Variants in AGAP1 observed in about 807,000 individuals in gnomAD.
AGAP1 encodes the protein ArfGAP with GTPase domain, ankyrin repeat and PH domain 1, also known as arf-GAP with GTPase, ANK repeat and PH domain-containing protein 1.
Under a neutral mutation model 105.3 loss-of-function variants are expected in AGAP1, and 29 were observed. The ratio of observed to expected loss-of-function variants is 0.28; its 90% CI spans 0.21 to 0.38. The LOEUF is 0.38. Ranked by LOEUF, AGAP1 falls within the 10% of genes least tolerant of loss-of-function variation. The pLI is 1.00. For synonymous variants in AGAP1, 509 were observed against 485.9 expected (o/e 1.05, Z -0.63); for missense variants, 998 against 1,165.1 (o/e 0.86, Z 2.09).
rs758901266 is a variant in AGAP1 at position 235,962,423 on chromosome 2, G to A, written c.1484-6039G>A. ...TTTCAAGTCGTGTGCGATGCTGCCC[G>A]GCTGTATAAGAAAAACCGTGGGATG... On this transcript the variant is annotated intron_variant, in intron 12 of 17. Coordinates refer to ENST00000304032, the MANE Select transcript of AGAP1 (RefSeq NM_001037131.3). The surrounding 1 kb of genome is among the most constrained non-coding windows in gnomAD (Gnocchi z 5.3). 2.6e-5 allele frequency among the ~76,000 whole-genome samples: 4 copies of A among 152,182 alleles called. No individual in the cohort carries two copies. Among genetic ancestry groups the A allele is most frequent in the East Asian group, 1.9e-4 (1 of 5,148 alleles).
At chr2:235,671,526 A>G (rs1051472285) in intron 1 of AGAP1, among the ~76,000 whole-genome samples, 4 of 152,068 alleles carry the variant, frequency 2.6e-5, no homozygotes, top group Non-Finnish European at 5.9e-5. Context: ...TGTTAGTGCT[A>G]CCATCTGTCA....
At position 235,716,721 on chromosome 2, in the gene AGAP1, A is replaced by G. The variant is rs1273983273; in HGVS notation, c.223-836A>G. Reference sequence around the variant, plus strand: ...GCGGCATGGGGGGTATCCAGCTCCCAAGCACAGGGAAAGGGAGGCTCCCTG... The same window carrying G: ...GCGGCATGGGGGGTATCCAGCTCCCGAGCACAGGGAAAGGGAGGCTCCCTG... On this transcript the variant is annotated intron_variant, in intron 2 of 17. Transcript: ENST00000304032. This position sits in a 1 kb window ranked among gnomAD's most constrained non-coding sequence, Gnocchi z 4.0. Among the ~76,000 whole-genome samples the G allele has an allele frequency of 6.6e-6, 1 of 152,102 alleles. No homozygotes were observed. The highest frequency in any genetic ancestry group is 1.9e-4 in the East Asian group (1 of 5,176).
Position 235,614,234 on chromosome 2 carries a change from A to G in AGAP1, c.164-94945A>G, listed in dbSNP as rs1207638449. Among the ~76,000 whole-genome samples the G allele has an allele frequency of 6.6e-6, 1 of 152,142 alleles. No individual in the cohort carries two copies. The highest frequency in any genetic ancestry group is 1.5e-5 in the Non-Finnish European group (1 of 68,026). On this transcript the variant is annotated intron_variant, in intron 1 of 17. Coordinates refer to ENST00000304032, the MANE Select transcript of AGAP1 (RefSeq NM_001037131.3). This position sits in a 1 kb window ranked among gnomAD's most constrained non-coding sequence, Gnocchi z 4.7. ...TGACATTGGCCAGAGTCACCCCATAATCATACAGTTAGCAGTGTGGCCAGC... is the reference window on the plus strand; with the variant it reads ...TGACATTGGCCAGAGTCACCCCATAGTCATACAGTTAGCAGTGTGGCCAGC...
intron 9 of AGAP1, among the ~76,000 whole-genome samples, chr2:235,834,382 C>A (rs1959861567): frequency 6.6e-6 from 1 of 152,190 alleles, no homozygotes; most frequent in South Asian, 2.1e-4. Flanking sequence ...TCTGTCCTTT[C>A]AAAGGGTGTA....
rs1375716825 is a variant in AGAP1 at position 236,010,127 on chromosome 2, AAAC to A, written c.1646-26431_1646-26429del. On this transcript the variant is annotated intron_variant, in intron 13 of 17. Coordinates refer to ENST00000304032, the MANE Select transcript of AGAP1 (RefSeq NM_001037131.3). ...TCACATGTGTTAGTAAAAAAAAAAAAAACAAAAAACTTTTAGAGAAACAAATTA... is the reference window on the plus strand; with the variant it reads ...TCACATGTGTTAGTAAAAAAAAAAAAAAAAAACTTTTAGAGAAACAAATTA... 2.7e-5 allele frequency among the ~76,000 whole-genome samples: 4 copies of A among 150,070 alleles called. No individual in the cohort carries two copies. In the East Asian group the frequency reaches 5.8e-4, roughly 22 times the overall value.
chr2:236,028,679 C>A (rs935386538), intron 13 of AGAP1, among the ~76,000 whole-genome samples: 1 of 152,130 alleles, frequency 6.6e-6, no homozygotes, highest in African/African-American at 2.4e-5. Flanking sequence ...ATCTTCCTTT[C>A]CAATCTCTCG....
rs1399650638 is a variant in AGAP1 at position 235,983,112 on chromosome 2, A to G, written c.1645+14489A>G. On this transcript the variant is annotated intron_variant, in intron 13 of 17. Transcript: ENST00000304032. This position sits in a 1 kb window ranked among gnomAD's most constrained non-coding sequence, Gnocchi z 4.5. The stretch of plus-strand genomic sequence containing the variant: ...GCTGCAGGGCCATTTGCTGAGCAGG[A>G]AGCTGGCCTCAGGGGTCTCCCAGGA... Among the ~76,000 whole-genome samples, 1 of 152,120 alleles carries G rather than the reference A, an allele frequency of 6.6e-6. No homozygotes were observed. Among genetic ancestry groups the G allele is most frequent in the Non-Finnish European group, 1.5e-5 (1 of 68,012 alleles).
At chr2:235,966,227 C>G (rs1395799682) in intron 12 of AGAP1, among the ~76,000 whole-genome samples, 3 of 126,306 alleles carry the variant, frequency 2.4e-5, no homozygotes, top group Admixed American at 8.9e-5. Flanking sequence ...GCCCATTTCT[C>G]TAGGGATGGA....
chr2:235,655,980 C>T lies in AGAP1; in HGVS notation c.164-53199C>T, dbSNP rs1947758623. 6.6e-6 allele frequency among the ~76,000 whole-genome samples: 1 copy of T among 152,174 alleles called. No individual in the cohort carries two copies. Among genetic ancestry groups the T allele is most frequent in the South Asian group, 2.1e-4 (1 of 4,828 alleles). On this transcript the variant is annotated intron_variant, in intron 1 of 17. Coordinates refer to ENST00000304032, the MANE Select transcript of AGAP1 (RefSeq NM_001037131.3). The surrounding 1 kb of genome is among the most constrained non-coding windows in gnomAD (Gnocchi z 4.3). ...TACTTCCAATAAGTAACTAGCAGGG[C>T]TGTACACACTCTACCAGGAAAGACA...
At chr2:235,849,757 C>T (rs898802043) in intron 9 of AGAP1, among the ~76,000 whole-genome samples, 1 of 152,230 alleles carries the variant, frequency 6.6e-6, no homozygotes, top group Non-Finnish European at 1.5e-5. Flanking sequence ...CCTCACTTCT[C>T]CAGGACAGAT....
chr2:235,697,827 T>C (rs1227979769), intron 1 of AGAP1, among the ~76,000 whole-genome samples: 3 of 152,288 alleles, frequency 2.0e-5, no homozygotes, highest in South Asian at 4.2e-4. Flanking sequence ...TGACAGAAAC[T>C]CAGCATATGA....
chr2:235,686,869 G>A (rs1477126057), intron 1 of AGAP1, among the ~76,000 whole-genome samples: 1 of 145,374 alleles, frequency 6.9e-6, no homozygotes, highest in African/African-American at 2.6e-5. Flanking sequence ...TTACTGTGCT[G>A]CCCAGGCTGG....
chr2:235,760,896 C>T (rs1288777135), intron 6 of AGAP1, among the ~76,000 whole-genome samples: 1 of 152,320 alleles, frequency 6.6e-6, no homozygotes, highest in East Asian at 1.9e-4. Flanking sequence ...AGCAGCCCAA[C>T]TTTTAAAGGA....
chr2:235,652,467 A>G (rs1194901722), intron 1 of AGAP1, among the ~76,000 whole-genome samples: 2 of 152,118 alleles, frequency 1.3e-5, no homozygotes, highest in Non-Finnish European at 2.9e-5. Flanking sequence ...CATTGAGTCC[A>G]TGTTAAGAGA....
At chr2:235,598,717 C>T (rs768354803) in intron 1 of AGAP1, among the ~76,000 whole-genome samples, 1 of 152,228 alleles carries the variant, frequency 6.6e-6, no homozygotes, top group South Asian at 2.1e-4. Context: ...GGAGTCGTCC[C>T]TCCGGGTGCT....
At chr2:235,918,063 G>C (rs1161394228) in intron 11 of AGAP1, among the ~76,000 whole-genome samples, 1 of 152,240 alleles carries the variant, frequency 6.6e-6, no homozygotes, top group Non-Finnish European at 1.5e-5. Flanking sequence ...GTGGGCCCTG[G>C]ATGAGCAGTG....
At chr2:235,911,751 G>A (rs1057273944) in intron 11 of AGAP1, among the ~76,000 whole-genome samples, 5 of 152,202 alleles carry the variant, frequency 3.3e-5, no homozygotes, top group Admixed American at 1.3e-4. Context: ...GGAGGGTTGC[G>A]ACAAGATTGA....
At position 235,625,709 on chromosome 2, in the gene AGAP1, C is replaced by T. The variant is rs890086632; in HGVS notation, c.164-83470C>T. The stretch of plus-strand genomic sequence containing the variant: ...ACATATTCAGCTGGGGGAAAATAGT[C>T]GTCTGAAATATATTATGGTTTGTTT... On this transcript the variant is annotated intron_variant, in intron 1 of 17. Transcript: ENST00000304032. The surrounding 1 kb of genome is among the most constrained non-coding windows in gnomAD (Gnocchi z 4.0). Among the ~76,000 whole-genome samples, 1 of 152,110 alleles carries T rather than the reference C, an allele frequency of 6.6e-6. No individual in the cohort carries two copies. The highest frequency in any genetic ancestry group is 1.5e-5 in the Non-Finnish European group (1 of 68,028).
intron 1 of AGAP1, among the ~76,000 whole-genome samples, chr2:235,547,139 G>A (rs1943650888): frequency 6.6e-6 from 1 of 152,166 alleles, no homozygotes; most frequent in South Asian, 2.1e-4. Flanking sequence ...CTGCAACACA[G>A]ACCAGGGAGG....
Sources: gnomAD v4.1 joint callset for allele counts (sites outside exome capture counted in the v4.1 genomes callset) on GRCh38, gnomAD v4.1.1 for gene constraint, Gnocchi (gnomAD v3.1) non-coding constraint, MANE v1.5 for transcripts, NCBI Gene and HGNC (gene_info 2026-07-23, HGNC 2026-07-21) for gene names.